ASPSCR1: variants seen among roughly 807,000 people sequenced by gnomAD.
ASPSCR1 encodes tether containing UBX domain for GLUT4.
ASPSCR1 carries 55 observed loss-of-function variants against 68.9 expected under a neutral mutation model. The ratio of observed to expected loss-of-function variants is 0.80; its 90% CI spans 0.64 to 1.00. The LOEUF (loss-of-function observed/expected upper bound fraction) is 1.00. Among genes scored for constraint, ASPSCR1 ranks in the 50% least tolerant of loss-of-function variants. The pLI, the probability that ASPSCR1 is intolerant of heterozygous loss-of-function variation, is 0.00. For missense variants in ASPSCR1, 765 were observed against 762.2 expected (o/e 1.00, Z -0.04); for synonymous variants, 352 against 332.6 (o/e 1.06, Z -0.63).
At chr17:81,991,387 C>T (rs963159680) in intron 4 of ASPSCR1, among the ~76,000 whole-genome samples, 7 of 152,148 alleles carry the variant, frequency 4.6e-5, no homozygotes, top group South Asian at 2.1e-4. Flanking sequence ...GCCGTGGCTC[C>T]GGGAAAGCTG....
intron 7 of ASPSCR1, among the ~76,000 whole-genome samples, chr17:82,001,166 G>A (rs976754029): frequency 1.3e-5 from 2 of 152,182 alleles, no homozygotes; most frequent in African/African-American, 4.8e-5. Flanking sequence ...GAGGAGGCTG[G>A]GCCTGGAGCG....
chr17:82,009,769 G>A (rs1224120899), intron 9 of ASPSCR1, among the ~76,000 whole-genome samples: 1 of 150,884 alleles, frequency 6.6e-6, no homozygotes, highest in Non-Finnish European at 1.5e-5. Flanking sequence ...GGCGACTGAG[G>A]TACAGCTCTG....
chr17:81,996,864 CCTTGGGA>C lies in ASPSCR1; in HGVS notation c.933+25_933+31del. 2 of 1,564,254 alleles carry C rather than the reference CCTTGGGA, an allele frequency of 1.3e-6. No homozygotes were observed. The highest frequency in any genetic ancestry group is 1.7e-6 in the Non-Finnish European group (2 of 1,158,668). On this transcript the variant is annotated intron_variant, in intron 7 of 15. Transcript: ENST00000306739. ...GGGAGCGGGTAAAAGGGGCTCTAGG[CCTTGGGA>C]CTTGGGGGTGTCCTTTCTCCTGATG...
rs1290419253 is a variant in ASPSCR1 at position 81,990,220 on chromosome 17, C to T, written c.375-4601C>T. 1.3e-5 allele frequency among the ~76,000 whole-genome samples: 2 copies of T among 152,216 alleles called. No individual in the cohort carries two copies. The highest frequency in any genetic ancestry group is 4.8e-5 in the African/African-American group (2 of 41,446). ...GTAGAAAAGTGAGCCGTCTCATGCT[C>T]TTGTTGTGCAGAGTCCTTGAGACCT... On this transcript the variant is annotated intron_variant, in intron 4 of 15. Coordinates refer to ENST00000306739, the MANE Select transcript of ASPSCR1 (RefSeq NM_024083.4). The surrounding 1 kb of genome is among the most constrained non-coding windows in gnomAD (Gnocchi z 4.1).
In ASPSCR1 at chr17:81,996,659, G is replaced by A. The variant is rs1193485024; in HGVS notation, c.746G>A (p.Gly249Glu). Residue 249 changes from glycine (G) to glutamate (E), a missense_variant, in exon 7 of 16, where the codon GGA becomes GAA. Coordinates refer to ENST00000306739, the MANE Select transcript of ASPSCR1 (RefSeq NM_024083.4). ...CCCTTTGTTCCTTTCTCGGGTGGGG[G>A]ACAGAGACTGGGGGGCCCTCCTGGG... Reference protein sequence around the residue: ...AAPFVPFSGGGQRLGGPPGPT... With the variant: ...AAPFVPFSGGEQRLGGPPGPT... 1 of 1,612,730 alleles carries A rather than the reference G, an allele frequency of 6.2e-7. No individual in the cohort carries two copies.
intron 7 of ASPSCR1, among the ~76,000 whole-genome samples, chr17:81,998,309 C>T (rs1174552880): frequency 1.3e-5 from 2 of 152,164 alleles, no homozygotes; most frequent in Non-Finnish European, 2.9e-5. Flanking sequence ...TAGTATCATG[C>T]TTCCTGTTAC....
intron 3 of ASPSCR1, 104 bp from the exon 4 acceptor site, chr17:81,985,403 G>A (rs1395092529): frequency 1.6e-6 from 2 of 1,236,026 alleles, no homozygotes; most frequent in African/African-American, 3.0e-5. Context: ...CTGGAGGCCA[G>A]GGCGGGGCAG....
chr17:81,989,455 G>C (rs956499742), intron 4 of ASPSCR1, among the ~76,000 whole-genome samples: 2 of 152,210 alleles, frequency 1.3e-5, no homozygotes, highest in East Asian at 3.9e-4. Flanking sequence ...GGAGGCCTTG[G>C]GAAGTCCAGG....
chr17:81,985,286 A>G (rs1227708240), intron 3 of ASPSCR1, among the ~76,000 whole-genome samples: 2 of 152,040 alleles, frequency 1.3e-5, no homozygotes, highest in Non-Finnish European at 1.5e-5. Flanking sequence ...ATACCTGCAC[A>G]CTCACATGCA....
chr17:81,989,447 A>G (rs2042093190), intron 4 of ASPSCR1, among the ~76,000 whole-genome samples: 1 of 152,074 alleles, frequency 6.6e-6, no homozygotes, highest in African/African-American at 2.4e-5. Flanking sequence ...AGGCTTGGGG[A>G]GGCCTTGGGA....
chr17:82,012,366 G>A, intron 12 of ASPSCR1, 83 bp downstream of exon 12: 1 of 1,484,688 alleles, frequency 6.7e-7, no homozygotes, highest in Non-Finnish European at 9.3e-7. Flanking sequence ...CGGGCAGGAA[G>A]GAGGGGCCTG....
At chr17:82,012,145 C>G (rs1220502865) in intron 11 of ASPSCR1, 86 bp from the exon 12 acceptor site, 1 of 1,463,292 alleles carries the variant, frequency 6.8e-7, no homozygotes, top group East Asian at 2.3e-5. Flanking sequence ...AGGCGTCACC[C>G]CCATCTGCAG....
intron 7 of ASPSCR1, among the ~76,000 whole-genome samples, chr17:82,002,461 G>A (rs2042569561): frequency 1.3e-5 from 2 of 152,084 alleles, no homozygotes; most frequent in South Asian, 4.2e-4. Context: ...TGCCATGTTG[G>A]TCAGGCTGGT....
rs573211910 is a variant in ASPSCR1 at position 81,999,143 on chromosome 17, G to C, written c.933+2297G>C. On this transcript the variant is annotated intron_variant, in intron 7 of 15. Coordinates refer to ENST00000306739, the MANE Select transcript of ASPSCR1 (RefSeq NM_024083.4). The surrounding 1 kb of genome is among the most constrained non-coding windows in gnomAD (Gnocchi z 4.4). ...GGTTTTGTGCCAAAAGAGGCAGACT[G>C]GGGGACTGTCATGCGGCTTTCGGTG... Among the ~76,000 whole-genome samples, 1 of 152,254 alleles carries C rather than the reference G, an allele frequency of 6.6e-6. No individual in the cohort carries two copies. The highest frequency in any genetic ancestry group is 1.5e-5 in the Non-Finnish European group (1 of 68,050).
At position 81,983,684 on chromosome 17, in the gene ASPSCR1, G is replaced by T; in HGVS notation, c.273+16G>T. 6.3e-7 allele frequency: 1 copy of T among 1,590,828 alleles called. No individual in the cohort carries two copies. The highest frequency in any genetic ancestry group is 8.6e-7 in the Non-Finnish European group (1 of 1,164,052). On this transcript the variant is annotated intron_variant, in intron 3 of 15. Coordinates refer to ENST00000306739, the MANE Select transcript of ASPSCR1 (RefSeq NM_024083.4). The surrounding 1 kb of genome is among the most constrained non-coding windows in gnomAD (Gnocchi z 4.4). Reference sequence around the variant, plus strand: ...TGAGAACATGGTGGGTCGTGCTCTGGGGGAGGCTGACTGTGTGGGGCACAG... The same window carrying T: ...TGAGAACATGGTGGGTCGTGCTCTGTGGGAGGCTGACTGTGTGGGGCACAG...
rs1366309151 is a variant in ASPSCR1, at chr17:81,994,809, C to G, written c.375-12C>G. The G allele has an allele frequency of 6.2e-7, 1 of 1,613,080 alleles. No homozygotes were observed. Among genetic ancestry groups the G allele is most frequent in the East Asian group, 2.2e-5 (1 of 44,860 alleles). On this transcript the variant is annotated splice_polypyrimidine_tract_variant and intron_variant, in intron 4 of 15. Coordinates refer to ENST00000306739, the MANE Select transcript of ASPSCR1 (RefSeq NM_024083.4). The stretch of plus-strand genomic sequence containing the variant: ...CCTGGGGTACCTGATGGTTTCTTTC[C>G]TCTCCTCCCAGGGAGTGCCTGCAGC...
chr17:82,002,060 T>A (rs1691644171), intron 7 of ASPSCR1, among the ~76,000 whole-genome samples: 2 of 135,714 alleles, frequency 1.5e-5, no homozygotes, highest in Admixed American at 1.7e-4. Flanking sequence ...CAGGCAGGAG[T>A]GCAGGGGCAC....
intron 10 of ASPSCR1, 63 bp downstream of exon 10, chr17:82,010,931 C>T: frequency 6.4e-7 from 1 of 1,570,710 alleles, no homozygotes; most frequent in African/African-American, 1.3e-5. Context: ...TCTCCCGGCT[C>T]CTTCCTTCCA....
Position 81,996,755 on chromosome 17 carries a change from A to G in ASPSCR1, c.842A>G (p.Lys281Arg). The G allele has an allele frequency of 3.1e-6, 5 of 1,613,212 alleles. No individual in the cohort carries two copies. Among genetic ancestry groups the G allele is most frequent in the Non-Finnish European group, 4.2e-6 (5 of 1,179,940 alleles). ...CTCTCCAGCCCTGGAGGCCCCTCCA[A>G]GCCAAAGAAGTCCAAGTCGGGCCAG... The part of the protein sequence containing the change: ...KSLSSPGGPS[K>R]PKKSKSGQDP... The change falls in exon 7 of 16, where the codon AAG (lysine) becomes AGG (arginine). Residue 281 changes from lysine to arginine, a missense_variant. By Grantham distance (26) the Lys-to-Arg change is conservative. Transcript: ENST00000306739.
Sources: allele counts gnomAD v4.1 joint callset (sites outside exome capture counted in the v4.1 genomes callset), GRCh38; gene constraint gnomAD v4.1.1; non-coding constraint Gnocchi (gnomAD v3.1); transcripts MANE v1.5; gene names NCBI Gene and HGNC (gene_info 2026-07-23, HGNC 2026-07-21).